TBC1D22A: variants seen among roughly 807,000 people sequenced by gnomAD.
The protein encoded by TBC1D22A is TBC1 domain family member 22A.
TBC1D22A carries 38 observed loss-of-function variants against 60.2 expected under a neutral mutation model. The ratio of observed to expected loss-of-function variants is 0.63; its 90% confidence interval spans 0.49 to 0.83. TBC1D22A has a LOEUF of 0.83. Among genes scored for constraint, TBC1D22A ranks in the 40% least tolerant of loss-of-function variants. The probability of loss-of-function intolerance (pLI) is 0.00; values close to 1 mark genes in which losing one functional copy is unlikely to be tolerated. For synonymous variants in TBC1D22A, 302 were observed against 281.7 expected (o/e 1.07, Z -0.72); for missense variants, 628 against 701.0 (o/e 0.90, Z 1.18).
In TBC1D22A at chr22:46,940,823, A is replaced by AAT. The variant is rs56781447; in HGVS notation, c.1015+28652_1015+28653dup. ...AACAGCATGGGGACCGGGGCACTAG[A>AAT]ATATATATATATATATATGTATGTA... On this transcript the variant is annotated intron_variant, in intron 8 of 12. Coordinates refer to ENST00000337137, the MANE Select transcript of TBC1D22A (RefSeq NM_014346.5). Among the ~76,000 whole-genome samples, 175 of 91,074 alleles carry AAT rather than the reference A, an allele frequency of 1.9e-3. 2 individuals are homozygous for AAT. The highest frequency in any genetic ancestry group is 5.0e-3 in the South Asian group (14 of 2,794). 59.7% of individuals were successfully genotyped at this position (91,074 alleles called of 152,430 possible).
At chr22:47,115,454 A>G (rs1031779282) in intron 12 of TBC1D22A, among the ~76,000 whole-genome samples, 2 of 149,472 alleles carry the variant, frequency 1.3e-5, no homozygotes, top group African/African-American at 4.9e-5. Flanking sequence ...CCCTCACAGC[A>G]TGGACTGTGC....
chr22:46,976,110 G>A (rs1004064707), intron 9 of TBC1D22A, among the ~76,000 whole-genome samples: 8 of 152,126 alleles, frequency 5.3e-5, no homozygotes, highest in South Asian at 2.1e-4. Context: ...TTCAAATGTC[G>A]CTTCTCTGAT....
intron 1 of TBC1D22A, among the ~76,000 whole-genome samples, chr22:46,767,250 ACTTT>A (rs1294341279): frequency 1.3e-5 from 2 of 152,038 alleles, no homozygotes; most frequent in African/African-American, 4.8e-5. Context: ...CCAGATTTTA[ACTTT>A]CTTTTTCCGG....
At chr22:46,814,716 G>C (rs191716336) in intron 4 of TBC1D22A, among the ~76,000 whole-genome samples, 6 of 151,662 alleles carry the variant, frequency 4.0e-5, no homozygotes, top group African/African-American at 1.5e-4. Flanking sequence ...ACAAGGTCCC[G>C]GCTCACTGCA....
chr22:47,014,166 G>A (rs931527210), intron 10 of TBC1D22A, among the ~76,000 whole-genome samples: 8 of 152,304 alleles, frequency 5.3e-5, no homozygotes, highest in African/African-American at 1.2e-4. Flanking sequence ...AGGTGCATCC[G>A]GGCTACCCCT....
chr22:46,835,555 G>A (rs1030559615), intron 4 of TBC1D22A, among the ~76,000 whole-genome samples: 1 of 152,112 alleles, frequency 6.6e-6, no homozygotes, highest in Non-Finnish European at 1.5e-5. Flanking sequence ...AAATAAAAAA[G>A]CATGAGAAAG....
chr22:47,152,946 A>G (rs562366786), intron 12 of TBC1D22A, among the ~76,000 whole-genome samples: 9 of 152,298 alleles, frequency 5.9e-5, no homozygotes, highest in Non-Finnish European at 1.0e-4. Context: ...GATTGACTGA[A>G]TAGGACAAGA....
At chr22:46,837,251 C>T (rs915706960) in intron 4 of TBC1D22A, among the ~76,000 whole-genome samples, 1 of 152,190 alleles carries the variant, frequency 6.6e-6, no homozygotes, top group African/African-American at 2.4e-5. Flanking sequence ...ATATATAAAG[C>T]ATATATTAAC....
At chr22:47,065,491 T>A (rs139207936) in intron 11 of TBC1D22A, among the ~76,000 whole-genome samples, 19 of 152,014 alleles carry the variant, frequency 1.2e-4, no homozygotes, top group African/African-American at 4.6e-4. Context: ...GGCTGGACAC[T>A]CCTGGACCTG....
At chr22:47,060,591 C>T (rs1404692034) in intron 11 of TBC1D22A, among the ~76,000 whole-genome samples, 1 of 152,150 alleles carries the variant, frequency 6.6e-6, no homozygotes, top group Non-Finnish European at 1.5e-5. Flanking sequence ...CCACCACGCC[C>T]ACCTAATTTT....
intron 12 of TBC1D22A, among the ~76,000 whole-genome samples, chr22:47,153,620 G>A (rs966685861): frequency 6.6e-6 from 1 of 152,140 alleles, no homozygotes; most frequent in African/African-American, 2.4e-5. Context: ...GCAAGCGAAA[G>A]ATGAGAGATA....
At chr22:46,811,072 T>G (rs1407690647) in intron 4 of TBC1D22A, among the ~76,000 whole-genome samples, 1 of 152,192 alleles carries the variant, frequency 6.6e-6, no homozygotes, top group Admixed American at 6.5e-5. Flanking sequence ...GTACCCTGGG[T>G]GCAGGGCAGC....
At chr22:46,846,947 G>A (rs1046494266) in intron 4 of TBC1D22A, among the ~76,000 whole-genome samples, 4 of 152,174 alleles carry the variant, frequency 2.6e-5, no homozygotes, top group African/African-American at 7.2e-5. Context: ...TTCAGAACCC[G>A]GTGCTGGTGC....
At chr22:46,962,982 G>A (rs755005752) in intron 8 of TBC1D22A, among the ~76,000 whole-genome samples, 1 of 151,904 alleles carries the variant, frequency 6.6e-6, no homozygotes, top group South Asian at 2.1e-4. Context: ...GGGAGGCTGA[G>A]GTTGGTGGAT....
intron 4 of TBC1D22A, among the ~76,000 whole-genome samples, chr22:46,814,175 G>T (rs2085496108): frequency 6.6e-6 from 1 of 152,218 alleles, no homozygotes. Context: ...GTCAGTGTTT[G>T]AAATTTAGAA....
chr22:46,984,459 G>A (rs2074645775), intron 9 of TBC1D22A, among the ~76,000 whole-genome samples: 1 of 132,648 alleles, frequency 7.5e-6, no homozygotes. Flanking sequence ...GATTATTCTT[G>A]CACTTTTGCC....
intron 4 of TBC1D22A, among the ~76,000 whole-genome samples, chr22:46,853,789 C>T (rs1216619444): frequency 6.6e-6 from 1 of 152,078 alleles, no homozygotes; most frequent in Non-Finnish European, 1.5e-5. Flanking sequence ...AGGGCCTCGT[C>T]CTCTGGGCCC....
rs542814835 is a variant in TBC1D22A at position 47,044,966 on chromosome 22, G to A, written c.1329+7768G>A. 1.2e-4 allele frequency among the ~76,000 whole-genome samples: 19 copies of A among 152,310 alleles called. No homozygotes were observed. The South Asian group carries it at 2.5e-3, about 20-fold the overall frequency. ...CTCCAGCACCTTTGGGCAGGCGTGT[G>A]AAGGCCCTGAGGTCTGGTCTGGGCG... On this transcript the variant is annotated intron_variant, in intron 11 of 12. Transcript: ENST00000337137.
At chr22:46,923,006 T>C (rs975492745) in intron 8 of TBC1D22A, among the ~76,000 whole-genome samples, 4 of 152,250 alleles carry the variant, frequency 2.6e-5, no homozygotes, top group African/African-American at 9.6e-5. Flanking sequence ...GTTCTGGTTT[T>C]CAAGGGGAGT....
Sources: gnomAD v4.1 joint callset for allele counts (sites outside exome capture counted in the v4.1 genomes callset) on GRCh38, gnomAD v4.1.1 for gene constraint, MANE v1.5 for transcripts, NCBI Gene and HGNC (gene_info 2026-07-23, HGNC 2026-07-21) for gene names.